The following SECISBP2L variants were observed in gnomAD, a reference collection of about 807,000 sequenced individuals.
SECISBP2L encodes the protein SECIS binding protein 2 like.
SECISBP2L carries 43 observed loss-of-function variants against 114.7 expected under a neutral mutation model. The ratio of observed to expected loss-of-function variants is 0.38; its 90% CI spans 0.29 to 0.48. The LOEUF is 0.48. SECISBP2L is among the 20% of genes least tolerant of loss of function. The probability of loss-of-function intolerance (pLI) is 0.98; values close to 1 mark genes in which losing one functional copy is unlikely to be tolerated. For missense variants in SECISBP2L, 1,136 were observed against 1,301.1 expected, an observed-to-expected ratio of 0.87 and a Z score of 1.95; for synonymous variants, 451 against 439.7, an observed-to-expected ratio of 1.03 and a Z score of -0.32.
At chr15:49,037,823 A>G in intron 1 of SECISBP2L, 54 bp from the exon 2 acceptor site, 2 of 1,472,440 alleles carry the variant, frequency 1.4e-6, no homozygotes, top group Middle Eastern at 1.9e-4. Context: ...AACTTCCTAC[A>G]AATTCAAAAT....
chr15:49,025,291 T>C (rs1462313665), intron 7 of SECISBP2L, among the ~76,000 whole-genome samples: 2 of 152,212 alleles, frequency 1.3e-5, no homozygotes, highest in South Asian at 2.1e-4. Context: ...GGTTGAGTTA[T>C]TCCTTATCTG....
rs190713236 is a variant in SECISBP2L at position 49,005,151 on chromosome 15, G to A, written c.2028-4054C>T. 1.9e-4 allele frequency among the ~76,000 whole-genome samples: 29 copies of A among 152,268 alleles called. No homozygotes were observed. The East Asian group carries it at 3.7e-3, about 19-fold the overall frequency. On this transcript the variant is annotated intron_variant, in intron 14 of 17. Coordinates refer to ENST00000559471, the MANE Select transcript of SECISBP2L (RefSeq NM_001193489.2). ...TTGAGACCAGCCTGGCCAACATGGC[G>A]AAATCCTGTCTCTACTAAAAATACA... is the stretch of plus-strand genomic sequence containing the variant.
At chr15:49,022,719 T>C (rs912222411) in intron 7 of SECISBP2L, among the ~76,000 whole-genome samples, 9 of 152,218 alleles carry the variant, frequency 5.9e-5, no homozygotes, top group African/African-American at 1.7e-4. Flanking sequence ...TGGAACAGAA[T>C]AGAAAGTCCA....
At chr15:49,034,682 T>TTTTTTTTTG (rs1595795798) in intron 3 of SECISBP2L, among the ~76,000 whole-genome samples, 2 of 150,706 alleles carry the variant, frequency 1.3e-5, no homozygotes, top group East Asian at 1.9e-4. Flanking sequence ...TTTTTTTTTT[T>TTTTTTTTTG]GAGACAGGGT....
At chr15:48,994,419 G>T (rs1397705895) in intron 17 of SECISBP2L, among the ~76,000 whole-genome samples, 1 of 152,068 alleles carries the variant, frequency 6.6e-6, no homozygotes, top group African/African-American at 2.4e-5. Flanking sequence ...ATCACCCTAG[G>T]ATAGAATCCA....
intron 11 of SECISBP2L, 125 bp downstream of exon 11, chr15:49,016,435 T>G (rs1032561336): frequency 2.6e-6 from 2 of 783,056 alleles, no homozygotes; most frequent in African/African-American, 3.6e-5. Context: ...CACACATACA[T>G]ATATATACAC....
intron 14 of SECISBP2L, among the ~76,000 whole-genome samples, chr15:49,006,741 AC>A (rs1902331610): frequency 6.6e-6 from 1 of 151,658 alleles, no homozygotes; most frequent in African/African-American, 2.4e-5. Context: ...ATTAGAACAT[AC>A]TCCTTTAGCT....
intron 11 of SECISBP2L, among the ~76,000 whole-genome samples, chr15:49,015,247 A>G (rs1298993712): frequency 6.6e-6 from 1 of 152,148 alleles, no homozygotes; most frequent in Non-Finnish European, 1.5e-5. Flanking sequence ...CCGCCTCCAG[A>G]ACACTGCTAA....
At position 49,009,248 on chromosome 15, in the gene SECISBP2L, T is replaced by G. The variant is rs751706089; in HGVS notation, c.1995A>C (p.Thr665=). Residue 665 remains threonine (T), a synonymous_variant, in exon 14 of 18, where the codon ACA becomes ACC. Transcript: ENST00000559471. ...SGIGSPMASS[T]ITKIHSKRFR... The stretch of plus-strand genomic sequence containing the variant: ...ATCTTTTGCTGTGGATTTTGGTTAT[T>G]GTTGAAGATGCCATTGGACTGCCTA... The G allele has an allele frequency of 6.8e-6, 11 of 1,614,140 alleles. No individual in the cohort carries two copies. Among genetic ancestry groups the G allele is most frequent in the Non-Finnish European group, 9.3e-6 (11 of 1,180,002 alleles).
chr15:49,012,524 A>C (rs1902456097), intron 12 of SECISBP2L, 124 bp downstream of exon 12: 1 of 947,300 alleles, frequency 1.1e-6, no homozygotes, highest in Non-Finnish European at 1.6e-6. Flanking sequence ...TATCGTCAAG[A>C]TTCATGTGTA....
intron 14 of SECISBP2L, among the ~76,000 whole-genome samples, chr15:49,008,563 G>A (rs1902369491): frequency 6.6e-6 from 1 of 152,168 alleles, no homozygotes; most frequent in Non-Finnish European, 1.5e-5. Context: ...AAAAACAATG[G>A]TATAGGGAAA....
intron 7 of SECISBP2L, among the ~76,000 whole-genome samples, chr15:49,022,041 AT>A (rs1488328376): frequency 2.0e-5 from 3 of 152,186 alleles, no homozygotes; most frequent in African/African-American, 2.4e-5. Flanking sequence ...AAGGAAAAAA[AT>A]ATTAGAAATT....
intron 1 of SECISBP2L, 99 bp downstream of exon 1, chr15:49,046,177 A>C (rs1160449488): frequency 7.1e-7 from 1 of 1,399,330 alleles, no homozygotes; most frequent in Non-Finnish European, 9.7e-7. Flanking sequence ...CGGCCGCAGG[A>C]CCGGCCCCCG....
Position 49,035,492 on chromosome 15 carries a change from G to T in SECISBP2L, c.370C>A (p.His124Asn). 1 of 1,614,162 alleles carries T rather than the reference G, an allele frequency of 6.2e-7. No homozygotes were observed. Among genetic ancestry groups the T allele is most frequent in the Non-Finnish European group, 8.5e-7 (1 of 1,180,000 alleles). The change falls in exon 3 of 18, where the codon CAT becomes AAT. Residue 124 changes from histidine (H) to asparagine (N), a missense_variant. His to Asn is a moderately conservative substitution (Grantham distance 68, BLOSUM62 1). Coordinates refer to ENST00000559471, the MANE Select transcript of SECISBP2L (RefSeq NM_001193489.2). ...APCAQVMGFY[H>N]PFPTPYSNTF... ...TTGGAGTAAGGTGTAGGAAAAGGAT[G>T]ATAGAAACCCATAACCTGGGCACAT...
At position 49,016,686 on chromosome 15, in the gene SECISBP2L, C is replaced by T; in HGVS notation, c.1435G>A (p.Ala479Thr). The change falls in exon 11 of 18, where the codon GCA becomes ACA. Residue 479 changes from alanine to threonine, a missense_variant. Ala to Thr is a moderately conservative substitution (Grantham distance 58). Transcript: ENST00000559471. ...GGTGTTTTATTCTTTTTTCCAGCTGCTTTTGATAAAGCTTCCTACAAAATA... is the reference window on the plus strand; with the variant it reads ...GGTGTTTTATTCTTTTTTCCAGCTGTTTTTGATAAAGCTTCCTACAAAATA... ...QKKLQEALSK[A>T]AGKKNKTPVQ... The T allele has an allele frequency of 1.9e-6, 3 of 1,584,922 alleles. No homozygotes were observed. The highest frequency in any genetic ancestry group is 2.6e-6 in the Non-Finnish European group (3 of 1,169,842).
intron 11 of SECISBP2L, among the ~76,000 whole-genome samples, chr15:49,013,779 C>T (rs1902485549): frequency 1.3e-5 from 2 of 152,174 alleles, no homozygotes; most frequent in Non-Finnish European, 2.9e-5. Flanking sequence ...GACATCCTTA[C>T]TCCTGTCCAA....
intron 3 of SECISBP2L, among the ~76,000 whole-genome samples, chr15:49,033,870 T>C (rs1008150925): frequency 6.6e-6 from 1 of 152,174 alleles, no homozygotes; most frequent in African/African-American, 2.4e-5. Flanking sequence ...AACTGATCTC[T>C]TCCTTTACTT....
intron 14 of SECISBP2L, among the ~76,000 whole-genome samples, chr15:49,004,147 T>G (rs1902266671): frequency 6.6e-6 from 1 of 152,224 alleles, no homozygotes; most frequent in South Asian, 2.1e-4. Context: ...GGGATTCGAC[T>G]TCTTCCTGGT....
intron 13 of SECISBP2L, 88 bp from the exon 14 acceptor site, chr15:49,009,466 T>C (rs973175606): frequency 1.7e-5 from 23 of 1,315,330 alleles, no homozygotes; most frequent in South Asian, 4.4e-5. Context: ...AGAATGGCCA[T>C]TGTCTTTTGG....
Sources: allele counts gnomAD v4.1 joint callset (sites outside exome capture counted in the v4.1 genomes callset), GRCh38; gene constraint gnomAD v4.1.1; transcripts MANE v1.5; gene names NCBI Gene and HGNC (gene_info 2026-07-23, HGNC 2026-07-21).